The following PEX7 variants were observed in gnomAD, a reference collection of about 807,000 sequenced individuals.
PEX7 encodes PTS2 receptor.
Under a neutral mutation model 47.5 loss-of-function variants are expected in PEX7, and 34 were observed. That is an observed-to-expected ratio of 0.72 (90% CI 0.54 to 0.95). The LOEUF is 0.95. Ranked by LOEUF, PEX7 falls within the 40% of genes least tolerant of loss-of-function variation. The pLI, the probability that PEX7 is intolerant of heterozygous loss-of-function variation, is 0.00. For missense variants in PEX7, 394 were observed against 400.3 expected, an observed-to-expected ratio of 0.98 and a Z score of 0.13; for synonymous variants, 141 against 148.8, an observed-to-expected ratio of 0.95 and a Z score of 0.38.
chr6:136,826,783 T>C (rs1003554507), intron 3 of PEX7, among the ~76,000 whole-genome samples: 1 of 152,102 alleles, frequency 6.6e-6, no homozygotes, highest in Non-Finnish European at 1.5e-5. Context: ...GCTTGCCACA[T>C]GGTGCCTTAA....
intron 9 of PEX7, among the ~76,000 whole-genome samples, chr6:136,899,576 C>T (rs1243386573): frequency 3.9e-5 from 6 of 151,928 alleles, no homozygotes; most frequent in African/African-American, 1.2e-4. Flanking sequence ...GATGGGGTTT[C>T]ACCATGTTAG....
chr6:136,867,494 T>C (rs1324756085), intron 6 of PEX7, among the ~76,000 whole-genome samples: 1 of 151,124 alleles, frequency 6.6e-6, no homozygotes, highest in Non-Finnish European at 1.5e-5. Flanking sequence ...AAAAAAAGAG[T>C]TTAAAAAGTA....
intron 5 of PEX7, among the ~76,000 whole-genome samples, chr6:136,857,492 G>A (rs149978837): frequency 2.8e-4 from 42 of 152,310 alleles, no homozygotes; most frequent in Non-Finnish European, 4.6e-4. Flanking sequence ...CACTCTTAGA[G>A]CATATAGTCC....
intron 8 of PEX7, among the ~76,000 whole-genome samples, chr6:136,891,847 G>A (rs998356513): frequency 2.6e-4 from 39 of 152,050 alleles, no homozygotes; most frequent in Middle Eastern, 3.2e-3. Flanking sequence ...GTTTCATCAC[G>A]TTGCCCAGGC....
At chr6:136,825,432 C>T (rs1164683356) in intron 2 of PEX7, among the ~76,000 whole-genome samples, 161 bp downstream of exon 2, 1 of 152,112 alleles carries the variant, frequency 6.6e-6, no homozygotes, top group Non-Finnish European at 1.5e-5. Context: ...GTGGTGCGCA[C>T]CTGTAGTCCC....
chr6:136,827,502 A>AT (rs1491406317), intron 3 of PEX7, among the ~76,000 whole-genome samples: 1 of 100,738 alleles, frequency 9.9e-6, no homozygotes, highest in Non-Finnish European at 2.0e-5. Flanking sequence ...ACCTGTGTGA[A>AT]TTTGTGTGTG....
rs543434190 is a variant in PEX7, at chr6:136,850,416, T to A, written c.526+4235T>A. On this transcript the variant is annotated intron_variant, in intron 5 of 9. Coordinates refer to ENST00000318471, the MANE Select transcript of PEX7 (RefSeq NM_000288.4). ...TCCTGTCATTATGATGTTAGCTGGTTATTTTGCTCGTTAGTTGATGCAGTT... is the reference window on the plus strand; with the variant it reads ...TCCTGTCATTATGATGTTAGCTGGTAATTTTGCTCGTTAGTTGATGCAGTT... Among the ~76,000 whole-genome samples, 4 of 152,304 alleles carry A rather than the reference T, an allele frequency of 2.6e-5. No homozygotes were observed. The South Asian group carries it at 8.3e-4, about 32-fold the overall frequency.
At chr6:136,909,748 A>G (rs1775903872) in intron 9 of PEX7, among the ~76,000 whole-genome samples, 1 of 152,228 alleles carries the variant, frequency 6.6e-6, no homozygotes, top group Admixed American at 6.5e-5. Context: ...TCTTAATCCA[A>G]TTAAGTATAG....
chr6:136,856,223 C>T (rs1462386953), intron 5 of PEX7, among the ~76,000 whole-genome samples: 1 of 149,510 alleles, frequency 6.7e-6, no homozygotes, highest in Non-Finnish European at 1.5e-5. Context: ...ATTACATTAC[C>T]TTCATATGTT....
At chr6:136,843,484 G>T (rs9402850) in intron 3 of PEX7, among the ~76,000 whole-genome samples, 90,214 of 151,974 alleles carry the variant, frequency 0.59, 26,774 homozygotes, top group South Asian at 0.61. Context: ...GACTATGGCT[G>T]CTTGGTGTGT....
chr6:136,908,195 A>G (rs1337469279), intron 9 of PEX7, among the ~76,000 whole-genome samples: 2 of 152,194 alleles, frequency 1.3e-5, no homozygotes, highest in African/African-American at 4.8e-5. Flanking sequence ...GTTTTGAAGA[A>G]ACTGACACAT....
intron 8 of PEX7, among the ~76,000 whole-genome samples, chr6:136,882,893 C>T (rs1400548611): frequency 1.3e-5 from 2 of 152,168 alleles, no homozygotes; most frequent in African/African-American, 4.8e-5. Context: ...AGCTTCCATT[C>T]ACCAGGGCCA....
intron 5 of PEX7, among the ~76,000 whole-genome samples, chr6:136,849,998 G>A (rs1420068272): frequency 1.3e-5 from 2 of 152,024 alleles, no homozygotes; most frequent in African/African-American, 4.8e-5. Flanking sequence ...AAGTCTCTTT[G>A]TAGGTCTCTA....
chr6:136,874,030 T>C (rs1372525050), intron 8 of PEX7, among the ~76,000 whole-genome samples: 1 of 152,256 alleles, frequency 6.6e-6, no homozygotes, highest in Non-Finnish European at 1.5e-5. Flanking sequence ...TAATATTTTA[T>C]TTAAAGCTTT....
chr6:136,902,165 C>T (rs1477004113), intron 9 of PEX7, among the ~76,000 whole-genome samples: 1 of 152,132 alleles, frequency 6.6e-6, no homozygotes, highest in African/African-American at 2.4e-5. Context: ...TTTAATTTTA[C>T]TCTTTGATCA....
intron 9 of PEX7, among the ~76,000 whole-genome samples, chr6:136,907,901 A>G (rs755562494): frequency 1.2e-4 from 18 of 152,126 alleles, no homozygotes; most frequent in Admixed American, 2.6e-4. Flanking sequence ...TGGGACCATT[A>G]TTATTGAAGA....
intron 8 of PEX7, among the ~76,000 whole-genome samples, chr6:136,881,528 AT>A (rs1384367621): frequency 6.6e-6 from 1 of 152,166 alleles, no homozygotes; most frequent in Non-Finnish European, 1.5e-5. Context: ...TCTTAAATCC[AT>A]TTCAGTGCTT....
chr6:136,857,080 T>C (rs935998179), intron 5 of PEX7, among the ~76,000 whole-genome samples: 6 of 152,218 alleles, frequency 3.9e-5, no homozygotes, highest in African/African-American at 1.4e-4. Flanking sequence ...TGCAAAAATA[T>C]TGGAATGAGT....
chr6:136,860,444 A>C (rs1188618702), intron 5 of PEX7, among the ~76,000 whole-genome samples: 2 of 146,662 alleles, frequency 1.4e-5, no homozygotes, highest in East Asian at 3.9e-4. Context: ...TATTGCATGA[A>C]AGTGGTGGTG....
Sources: allele counts gnomAD v4.1 joint callset (sites outside exome capture counted in the v4.1 genomes callset), GRCh38; gene constraint gnomAD v4.1.1; transcripts MANE v1.5; gene names NCBI Gene and HGNC (gene_info 2026-07-23, HGNC 2026-07-21).